Variants in TBXAS1 observed in about 807,000 individuals in gnomAD.
TBXAS1 encodes the protein thromboxane-A synthase.
Under a neutral mutation model 60.7 loss-of-function variants are expected in TBXAS1, and 48 were observed. That is an observed-to-expected ratio of 0.79 (90% CI 0.63 to 1.01). The LOEUF is 1.01. Among genes scored for constraint, TBXAS1 ranks in the 50% least tolerant of loss-of-function variants. TBXAS1 has a pLI of 0.00. For synonymous variants in TBXAS1, 287 were observed against 269.7 expected (o/e 1.06, Z -0.63); for missense variants, 685 against 686.3 (o/e 1.00, Z 0.02).
chr7:139,911,131 C>T, intron 3 of TBXAS1, 94 bp from the exon 4 acceptor site: 1 of 1,060,642 alleles, frequency 9.4e-7, no homozygotes, highest in Non-Finnish European at 1.5e-6. Context: ...TCCTAGTTAT[C>T]TTTTATCCCT....
At chr7:139,883,240 C>A (rs1681921845) in intron 3 of TBXAS1, among the ~76,000 whole-genome samples, 1 of 152,154 alleles carries the variant, frequency 6.6e-6, no homozygotes. Context: ...AGACTCTTCA[C>A]CCTTACCTGC....
intron 8 of TBXAS1, among the ~76,000 whole-genome samples, chr7:139,960,572 C>T (rs561388347): frequency 6.6e-6 from 1 of 152,028 alleles, no homozygotes; most frequent in East Asian, 1.9e-4. Context: ...ATGGTGAAAC[C>T]CCGCCTCTAC....
In TBXAS1 at chr7:140,013,720, G is replaced by A. The variant is rs972069246; in HGVS notation, c.1227-2003G>A. On this transcript the variant is annotated intron_variant, in intron 10 of 12. Coordinates refer to ENST00000448866, the MANE Select transcript of TBXAS1 (RefSeq NM_001061.7). This position sits in a 1 kb window ranked among gnomAD's most constrained non-coding sequence, Gnocchi z 4.2. ...GGGGTGTGATCTCACAGCACCAGGA[G>A]CCCTGAACACCAGCCTGAGGCTCAG... 6.6e-6 allele frequency among the ~76,000 whole-genome samples: 1 copy of A among 152,182 alleles called. No homozygotes were observed. Among genetic ancestry groups the A allele is most frequent in the Admixed American group, 6.5e-5 (1 of 15,278 alleles).
At chr7:139,920,865 C>T (rs533734304) in intron 4 of TBXAS1, among the ~76,000 whole-genome samples, 8 of 152,254 alleles carry the variant, frequency 5.3e-5, no homozygotes, top group African/African-American at 9.6e-5. Flanking sequence ...CTGTTCCTGA[C>T]GATGATACCC....
rs1812940080 is a variant in TBXAS1, at chr7:139,991,955, G to T, written c.1135-15136G>T. On this transcript the variant is annotated intron_variant, in intron 9 of 12. Transcript: ENST00000448866. Reference sequence around the variant, plus strand: ...AGACCCTTCCCATTCCCTGAGAGATGGAGTATGGGTCTCACTTGCAGGGGA... The same window carrying T: ...AGACCCTTCCCATTCCCTGAGAGATTGAGTATGGGTCTCACTTGCAGGGGA... 3.9e-5 allele frequency among the ~76,000 whole-genome samples: 6 copies of T among 152,334 alleles called. No individual in the cohort carries two copies. The South Asian group carries it at 1.2e-3, about 32-fold the overall frequency.
At chr7:139,979,024 A>G (rs1389423654) in intron 9 of TBXAS1, among the ~76,000 whole-genome samples, 2 of 152,224 alleles carry the variant, frequency 1.3e-5, no homozygotes, top group Non-Finnish European at 2.9e-5. Flanking sequence ...TAGAGGCAGA[A>G]ACAGAGGCTG....
intron 4 of TBXAS1, among the ~76,000 whole-genome samples, chr7:139,928,555 T>C (rs538005123): frequency 2.4e-4 from 36 of 152,328 alleles, no homozygotes; most frequent in African/African-American, 8.4e-4. Flanking sequence ...TGCAAATCAG[T>C]AGTTCATTAT....
At chr7:139,921,912 C>T (rs1171272230) in intron 4 of TBXAS1, among the ~76,000 whole-genome samples, 3 of 152,108 alleles carry the variant, frequency 2.0e-5, no homozygotes, top group East Asian at 1.9e-4. Flanking sequence ...AAACAGTTTT[C>T]CAAAGGGGTT....
chr7:139,948,412 T>C (rs2117276013), intron 5 of TBXAS1, among the ~76,000 whole-genome samples: 1 of 152,294 alleles, frequency 6.6e-6, no homozygotes, highest in South Asian at 2.1e-4. Context: ...ATTACTTCCT[T>C]AGAAGCCCTA....
At chr7:139,845,743 T>C in intron 1 of TBXAS1, among the ~76,000 whole-genome samples, 1 of 152,186 alleles carries the variant, frequency 6.6e-6, no homozygotes, top group East Asian at 1.9e-4. Context: ...AGAATTTCCA[T>C]TAATTTCTGG....
chr7:139,887,275 C>T (rs973617014), intron 3 of TBXAS1, among the ~76,000 whole-genome samples: 5 of 152,136 alleles, frequency 3.3e-5, no homozygotes, highest in African/African-American at 1.2e-4. Flanking sequence ...TTAAAATATG[C>T]ATCACACAAA....
rs180725502 is a variant in TBXAS1 at position 139,991,645 on chromosome 7, A to G, written c.1135-15446A>G. On this transcript the variant is annotated intron_variant, in intron 9 of 12. Transcript: ENST00000448866. ...ATCTATCAATCAATAAAATAAAAGC[A>G]TAAAGACATAGAAACACATAAACAG... Among the ~76,000 whole-genome samples the G allele has an allele frequency of 2.3e-4, 35 of 152,392 alleles. No individual in the cohort carries two copies. The East Asian group carries it at 6.6e-3, about 29-fold the overall frequency.
rs551652539 is a variant in TBXAS1 at position 139,975,297 on chromosome 7, A to G, written c.1134+13064A>G. On this transcript the variant is annotated intron_variant, in intron 9 of 12. Coordinates refer to ENST00000448866, the MANE Select transcript of TBXAS1 (RefSeq NM_001061.7). The surrounding 1 kb of genome is among the most constrained non-coding windows in gnomAD (Gnocchi z 4.4). Reference sequence around the variant, plus strand: ...TAGCCTAGCAAAGTTGACACAAAAGACTAACCAAGCTAAATAACTTGAGAA... The same window carrying G: ...TAGCCTAGCAAAGTTGACACAAAAGGCTAACCAAGCTAAATAACTTGAGAA... Among the ~76,000 whole-genome samples the G allele has an allele frequency of 2.0e-5, 3 of 152,342 alleles. No homozygotes were observed. The highest frequency in any genetic ancestry group is 4.4e-5 in the Non-Finnish European group (3 of 68,044).
chr7:139,889,045 T>C (rs1408046888), intron 3 of TBXAS1, among the ~76,000 whole-genome samples: 1 of 152,000 alleles, frequency 6.6e-6, no homozygotes, highest in Non-Finnish European at 1.5e-5. Flanking sequence ...GAAAGTGTCC[T>C]GTAGTGGCCG....
chr7:139,927,414 A>G (rs1254209489), intron 4 of TBXAS1, among the ~76,000 whole-genome samples: 8 of 152,212 alleles, frequency 5.3e-5, no homozygotes, highest in Admixed American at 1.3e-4. Context: ...TAAAACTAAT[A>G]AAAACTCTAC....
intron 4 of TBXAS1, among the ~76,000 whole-genome samples, chr7:139,819,081 G>A (rs924001918): frequency 6.6e-6 from 1 of 152,174 alleles, no homozygotes; most frequent in African/African-American, 2.4e-5. Flanking sequence ...ACCCAGAATG[G>A]GACCCCACCT....
At chr7:139,914,385 C>G (rs1805801937) in intron 4 of TBXAS1, among the ~76,000 whole-genome samples, 1 of 152,006 alleles carries the variant, frequency 6.6e-6, no homozygotes, top group African/African-American at 2.4e-5. Flanking sequence ...TTAAAAATAT[C>G]CATGGAAAGT....
chr7:139,966,972 C>A (rs1029358670), intron 9 of TBXAS1, among the ~76,000 whole-genome samples: 61 of 152,266 alleles, frequency 4.0e-4, no homozygotes, highest in African/African-American at 1.3e-3. Context: ...GCCTTCCCTG[C>A]GGGGCTTCTG....
intron 3 of TBXAS1, among the ~76,000 whole-genome samples, chr7:139,892,452 G>C (rs1186512970): frequency 6.6e-6 from 1 of 152,120 alleles, no homozygotes; most frequent in Non-Finnish European, 1.5e-5. Flanking sequence ...AATTAGCCTA[G>C]TATGGTGCCG....
Sources: allele counts gnomAD v4.1 joint callset (sites outside exome capture counted in the v4.1 genomes callset), GRCh38; gene constraint gnomAD v4.1.1; non-coding constraint Gnocchi (gnomAD v3.1); transcripts MANE v1.5; gene names NCBI Gene and HGNC (gene_info 2026-07-23, HGNC 2026-07-21).